The following DCK variants were observed in gnomAD, a reference collection of about 807,000 sequenced individuals.
The protein encoded by DCK is deoxycytidine kinase.
A neutral mutation model predicts 38.3 loss-of-function variants in DCK; 23 were observed. The ratio of observed to expected loss-of-function variants is 0.60; its 90% confidence interval spans 0.43 to 0.85. The LOEUF is 0.85. Among genes scored for constraint, DCK ranks in the 40% least tolerant of loss-of-function variants. The pLI, the probability that DCK is intolerant of heterozygous loss-of-function variation, is 0.00. For synonymous variants in DCK, 108 were observed against 100.6 expected (o/e 1.07, Z -0.44); for missense variants, 259 against 304.4 (o/e 0.85, Z 1.11).
At chr4:71,004,440 G>A (rs1162960838) in intron 2 of DCK, among the ~76,000 whole-genome samples, 1 of 152,318 alleles carries the variant, frequency 6.6e-6, no homozygotes, top group East Asian at 1.9e-4. Flanking sequence ...TGGGGGTCAT[G>A]GACCCACTTG....
intron 1 of DCK, 167 bp downstream of exon 1, chr4:70,994,093 A>C: frequency 1.6e-6 from 1 of 624,716 alleles, no homozygotes. Flanking sequence ...TCCTTCCCTT[A>C]CCTCCCGCTC....
At chr4:71,025,380 T>G (rs73827078) in intron 4 of DCK, among the ~76,000 whole-genome samples, 4 of 152,088 alleles carry the variant, frequency 2.6e-5, no homozygotes, top group Non-Finnish European at 4.4e-5. Flanking sequence ...TGTGCTGATA[T>G]AGAGTTTTCA....
intron 2 of DCK, among the ~76,000 whole-genome samples, chr4:71,014,679 A>G (rs1215498283): frequency 6.6e-6 from 1 of 152,252 alleles, no homozygotes; most frequent in African/African-American, 2.4e-5. Context: ...TACTGGGTAC[A>G]TAACGAAATG....
At chr4:71,003,514 T>C (rs924612370) in intron 2 of DCK, among the ~76,000 whole-genome samples, 1 of 152,180 alleles carries the variant, frequency 6.6e-6, no homozygotes, top group Non-Finnish European at 1.5e-5. Flanking sequence ...TCTTGCTAGG[T>C]TGGGGAAGTT....
intron 2 of DCK, among the ~76,000 whole-genome samples, chr4:71,011,225 G>A (rs1019386346): frequency 1.0e-4 from 14 of 134,838 alleles, no homozygotes; most frequent in African/African-American, 3.6e-4. Context: ...TTACAGGTGT[G>A]AGGTCTCTTT....
At chr4:70,996,290 T>A (rs999731486) in intron 1 of DCK, among the ~76,000 whole-genome samples, 13 of 151,984 alleles carry the variant, frequency 8.6e-5, no homozygotes, top group African/African-American at 3.1e-4. Flanking sequence ...TTGAGACCTA[T>A]AGTTTGAGGC....
intron 2 of DCK, among the ~76,000 whole-genome samples, chr4:71,011,123 A>G (rs755789046): frequency 1.3e-5 from 2 of 150,800 alleles, no homozygotes; most frequent in Non-Finnish European, 3.0e-5. Flanking sequence ...TTGTAATTTT[A>G]GTAGAGATGG....
At chr4:71,020,514 T>C (rs1297890665) in intron 2 of DCK, among the ~76,000 whole-genome samples, 1 of 152,222 alleles carries the variant, frequency 6.6e-6, no homozygotes, top group East Asian at 1.9e-4. Flanking sequence ...TTCTCCAGCC[T>C]TCTGAATTTA....
chr4:71,020,399 C>T (rs1023412702), intron 2 of DCK, among the ~76,000 whole-genome samples: 1 of 152,168 alleles, frequency 6.6e-6, no homozygotes, highest in Non-Finnish European at 1.5e-5. Context: ...CAGATTGATT[C>T]ATCCGTTGTA....
chr4:71,026,522 C>T, intron 5 of DCK, 143 bp from the exon 6 acceptor site: 2 of 614,416 alleles, frequency 3.3e-6, no homozygotes, highest in Non-Finnish European at 5.8e-6. Flanking sequence ...GAAGGGGCTG[C>T]CAGATGAAGT....
intron 3 of DCK, among the ~76,000 whole-genome samples, chr4:71,023,288 A>G (rs1740473684): frequency 6.6e-6 from 1 of 152,160 alleles, no homozygotes; most frequent in South Asian, 2.1e-4. Context: ...CTGTTATGGT[A>G]TGTTTGTTTG....
chr4:71,029,320 T>G, intron 6 of DCK, 32 bp from the exon 7 acceptor site: 2 of 1,504,740 alleles, frequency 1.3e-6, no homozygotes, highest in Non-Finnish European at 1.8e-6. Flanking sequence ...AGTCAAGGAA[T>G]TATACTGATT....
chr4:70,996,180 A>C (rs893338259), intron 1 of DCK, among the ~76,000 whole-genome samples: 12 of 147,136 alleles, frequency 8.2e-5, no homozygotes, highest in African/African-American at 3.0e-4. Flanking sequence ...GCACCACTGC[A>C]CCCCAGCCTG....
chr4:71,015,764 G>A (rs1740245987), intron 2 of DCK, among the ~76,000 whole-genome samples: 1 of 152,116 alleles, frequency 6.6e-6, no homozygotes, highest in Non-Finnish European at 1.5e-5. Context: ...AATAAATTAG[G>A]TATTGGTGGG....
At position 71,029,457 on chromosome 4, in the gene DCK, A is replaced by C; in HGVS notation, c.*79A>C. ...ATCTTCGTAACTTCATATTAATATAAGTTTCTTTAGAAAACCCAAGTTTTT... is the reference window on the plus strand; with the variant it reads ...ATCTTCGTAACTTCATATTAATATACGTTTCTTTAGAAAACCCAAGTTTTT... On this transcript the variant is annotated 3_prime_UTR_variant, in exon 7 of 7. Coordinates refer to ENST00000286648, the MANE Select transcript of DCK (RefSeq NM_000788.3). 9.3e-7 allele frequency: 1 copy of C among 1,071,588 alleles called. No individual in the cohort carries two copies. The highest frequency in any genetic ancestry group is 1.4e-6 in the Non-Finnish European group (1 of 717,656). 66.4% of individuals were successfully genotyped at this position (1,071,588 alleles called of 1,614,324 possible).
At chr4:71,007,371 T>C (rs1560681901) in intron 2 of DCK, among the ~76,000 whole-genome samples, 1 of 152,244 alleles carries the variant, frequency 6.6e-6, no homozygotes, top group Non-Finnish European at 1.5e-5. Context: ...TTGACATCTT[T>C]ATAACCATTA....
chr4:71,022,301 AAAAATT>A, intron 2 of DCK, 60 bp from the exon 3 acceptor site: 1 of 875,280 alleles, frequency 1.1e-6, no homozygotes. Context: ...TTTTAGCCTT[AAAAATT>A]AAAATAGCCC....
chr4:71,015,877 C>T (rs1264114841), intron 2 of DCK, among the ~76,000 whole-genome samples: 2 of 152,184 alleles, frequency 1.3e-5, no homozygotes, highest in African/African-American at 2.4e-5. Flanking sequence ...TGGCACAAGA[C>T]ACGGATGCCC....
chr4:71,026,471 C>T (rs1740550140), intron 5 of DCK, among the ~76,000 whole-genome samples, 194 bp from the exon 6 acceptor site: 1 of 152,122 alleles, frequency 6.6e-6, no homozygotes, highest in South Asian at 2.1e-4. Context: ...ATATTTTGTA[C>T]CTAAGTTTTT....
Sources: allele counts gnomAD v4.1 joint callset (sites outside exome capture counted in the v4.1 genomes callset), GRCh38; gene constraint gnomAD v4.1.1; transcripts MANE v1.5; gene names NCBI Gene and HGNC (gene_info 2026-07-23, HGNC 2026-07-21).